LAMB4: variants seen among roughly 807,000 people sequenced by gnomAD.
LAMB4 encodes the protein laminin subunit beta 4.
A neutral mutation model predicts 199.2 loss-of-function variants in LAMB4; 196 were observed. That is an observed-to-expected ratio of 0.98 (90% confidence interval 0.88 to 1.11). The LOEUF is 1.11. Ranked by LOEUF, LAMB4 falls within the 50% of genes least tolerant of loss-of-function variation. The pLI is 0.00. For synonymous variants in LAMB4, 744 were observed against 770.6 expected (o/e 0.97, Z 0.57); for missense variants, 2,080 against 2,171.2 (o/e 0.96, Z 0.83).
At chr7:108,117,871 G>A (rs1336924982) in intron 2 of LAMB4, among the ~76,000 whole-genome samples, 1 of 152,166 alleles carries the variant, frequency 6.6e-6, no homozygotes, top group Non-Finnish European at 1.5e-5. Flanking sequence ...GTAGCAGTGA[G>A]GACAACCAGA....
Position 108,098,596 on chromosome 7 carries a change from C to CT in LAMB4, c.1181-15_1181-14insA. On this transcript the variant is annotated splice_polypyrimidine_tract_variant and intron_variant, in intron 10 of 33. Coordinates refer to ENST00000388781, the MANE Select transcript of LAMB4 (RefSeq NM_007356.3). ...CACATTCACAAGCTGGGGACACAGA[C>CT]ATTCATTGTTTTAGTTAATTGCAAA... The CT allele has an allele frequency of 1.3e-6, 2 of 1,577,218 alleles. No homozygotes were observed. The highest frequency in any genetic ancestry group is 1.7e-6 in the Non-Finnish European group (2 of 1,163,802).
chr7:108,061,739 CAA>C (rs60564725), intron 23 of LAMB4, among the ~76,000 whole-genome samples: 12,860 of 74,270 alleles, frequency 0.17, 1,707 homozygotes, highest in African/African-American at 0.39. Flanking sequence ...ACTCTTGTCT[CAA>C]AAAAAAAAAA....
intron 3 of LAMB4, among the ~76,000 whole-genome samples, chr7:108,112,522 G>A (rs988584790): frequency 5.9e-5 from 9 of 152,014 alleles, no homozygotes; most frequent in Non-Finnish European, 1.0e-4. Flanking sequence ...TGAACTCTTG[G>A]CCTCAAGTGA....
At chr7:108,012,012 G>A in the LAMB4 span, among the ~76,000 whole-genome samples, 4 of 151,280 alleles carry the variant, frequency 2.6e-5, no homozygotes, top group South Asian at 8.4e-4. Flanking sequence ...GTTCTAGAAG[G>A]AAGCATAGCA....
intron 25 of LAMB4, among the ~76,000 whole-genome samples, chr7:108,054,266 C>G (rs1019402462): frequency 3.9e-5 from 6 of 152,150 alleles, no homozygotes; most frequent in Non-Finnish European, 8.8e-5. Context: ...TATAGATGTG[C>G]CTGTTGTCAC....
Position 108,055,846 on chromosome 7 carries a change from G to C in LAMB4, c.3541C>G (p.Gln1181Glu), listed in dbSNP as rs1355278584. 6.2e-7 allele frequency: 1 copy of C among 1,614,160 alleles called. No individual in the cohort carries two copies. Among genetic ancestry groups the C allele is most frequent in the South Asian group, 1.1e-5 (1 of 91,068 alleles). The change falls in exon 25 of 34, where the codon CAG (glutamine) becomes GAG (glutamate). Residue 1181 changes from glutamine (Q) to glutamate (E), a missense_variant. Gln to Glu is a conservative substitution (Grantham distance 29). Transcript: ENST00000388781. ...TCLQCHLCFD[Q>E]WDHTISSLSK... ...AGGGAAGAAATGGTGTGGTCCCACT[G>C]ATCAAAGCACAAGTGACATTGAAGA... is the stretch of plus-strand genomic sequence containing the variant.
At chr7:108,022,928 T>G (rs1193505290), downstream of LAMB4, among the ~76,000 whole-genome samples, 2 of 152,136 alleles carry the variant, frequency 1.3e-5, no homozygotes, top group Non-Finnish European at 2.9e-5. Context: ...TTCTCCTACC[T>G]CAGCCTCTGA....
intron 18 of LAMB4, among the ~76,000 whole-genome samples, 184 bp downstream of exon 18, chr7:108,069,524 T>C (rs2036458199): frequency 2.0e-5 from 3 of 152,230 alleles, no homozygotes; most frequent in Non-Finnish European, 2.9e-5. Flanking sequence ...GTTCCTCTTT[T>C]ATACACTCAA....
chr7:108,089,204 T>C (rs1367422731), intron 14 of LAMB4, among the ~76,000 whole-genome samples: 1 of 152,166 alleles, frequency 6.6e-6, no homozygotes, highest in Non-Finnish European at 1.5e-5. Flanking sequence ...GCTCTGGGTG[T>C]CTTCTTCAGT....
At chr7:108,069,678 C>T (rs11974886) in intron 18 of LAMB4, 30 bp downstream of exon 18, 139,616 of 1,590,124 alleles carry the variant, frequency 0.088, 8,422 homozygotes, top group African/African-American at 0.31. Flanking sequence ...ATGTCAGTGC[C>T]TCAGTAGAGC....
intron 14 of LAMB4, among the ~76,000 whole-genome samples, chr7:108,086,376 C>A (rs2037177161): frequency 6.6e-6 from 1 of 152,150 alleles, no homozygotes; most frequent in African/African-American, 2.4e-5. Flanking sequence ...AACACATGCA[C>A]CTGAATCCCT....
intron 23 of LAMB4, among the ~76,000 whole-genome samples, chr7:108,061,739 C>CAAAAA (rs60564725): frequency 2.7e-5 from 2 of 74,340 alleles, no homozygotes; most frequent in Non-Finnish European, 6.9e-5. Flanking sequence ...ACTCTTGTCT[C>CAAAAA]AAAAAAAAAA....
chr7:108,068,790 T>G (rs2036432739), intron 18 of LAMB4, among the ~76,000 whole-genome samples: 1 of 152,134 alleles, frequency 6.6e-6, no homozygotes, highest in South Asian at 2.1e-4. Flanking sequence ...GCCTTCCCAG[T>G]TCAAGTGATT....
At chr7:108,042,744 C>A (rs561837468) in intron 29 of LAMB4, among the ~76,000 whole-genome samples, 3 of 151,908 alleles carry the variant, frequency 2.0e-5, no homozygotes, top group South Asian at 2.1e-4. Flanking sequence ...ACAACAACAA[C>A]AAAAAAACAA....
At chr7:108,119,821 G>C (rs2038537376) in intron 2 of LAMB4, among the ~76,000 whole-genome samples, 1 of 152,142 alleles carries the variant, frequency 6.6e-6, no homozygotes, top group Non-Finnish European at 1.5e-5. Context: ...TTGATTTCCT[G>C]GTTGTGATAT....
rs764080584 is a variant in LAMB4 at position 108,030,893 on chromosome 7, C to G, written c.4905G>C (p.Gln1635His). 36 of 1,614,138 alleles carry G rather than the reference C, an allele frequency of 2.2e-5. No individual in the cohort carries two copies. The highest frequency in any genetic ancestry group is 3.0e-5 in the Non-Finnish European group (35 of 1,180,004). ...SGLEDGLSLL[Q>H]TKLQRHQDHA... ...GGTCTTGATGCCTTTGCAACTTGGT[C>G]TGCAGCAGGGAAAGTCCATCCTCCA... Residue 1635 changes from glutamine to histidine, a missense_variant, in exon 32 of 34, where the codon CAG (glutamine) becomes CAC (histidine). Coordinates refer to ENST00000388781, the MANE Select transcript of LAMB4 (RefSeq NM_007356.3).
chr7:108,052,082 A>G lies in LAMB4; in HGVS notation c.3916+15T>C, dbSNP rs1273824814. 1.3e-6 allele frequency: 2 copies of G among 1,593,718 alleles called. No homozygotes were observed. Among genetic ancestry groups the G allele is most frequent in the Non-Finnish European group, 1.7e-6 (2 of 1,168,694 alleles). ...ACTTTGTGCAGACACAGTCAAAAAT[A>G]CATTTTTCCCTTACCCGCAATGCTT... On this transcript the variant is annotated intron_variant, in intron 26 of 33. Transcript: ENST00000388781.
At position 108,077,395 on chromosome 7, in the gene LAMB4, CA is replaced by C. The variant is rs5886438; in HGVS notation, c.2004-332del. Among the ~76,000 whole-genome samples the C allele has an allele frequency of 6.4e-4, 96 of 150,680 alleles. No individual in the cohort carries two copies. In the East Asian group the frequency reaches 8.6e-3, roughly 13 times the overall value. On this transcript the variant is annotated intron_variant, in intron 16 of 33. Coordinates refer to ENST00000388781, the MANE Select transcript of LAMB4 (RefSeq NM_007356.3). ...ACATCAACAGGATCTCAAAAAATCT[CA>C]AAAAAAAAATTTTTGCGGCAGGGCA...
chr7:108,030,432 G>A (rs188923816), intron 32 of LAMB4, among the ~76,000 whole-genome samples: 1 of 152,064 alleles, frequency 6.6e-6, no homozygotes, highest in East Asian at 1.9e-4. Flanking sequence ...TTCATTTATT[G>A]TTTTCTTTAT....
Sources: allele counts gnomAD v4.1 joint callset (sites outside exome capture counted in the v4.1 genomes callset), GRCh38; gene constraint gnomAD v4.1.1; transcripts MANE v1.5; gene names NCBI Gene and HGNC (gene_info 2026-07-23, HGNC 2026-07-21).